The following KIAA0319 variants were observed in gnomAD, a reference collection of about 807,000 sequenced individuals.
KIAA0319 encodes KIAA0319.
In KIAA0319, 83 loss-of-function variants were observed where a neutral mutation model predicts 108.4. That is an observed-to-expected ratio of 0.77 (90% CI 0.64 to 0.92). The LOEUF is 0.92. KIAA0319 is among the 40% of genes least tolerant of loss of function. KIAA0319 has a pLI of 0.00. For missense variants in KIAA0319, 1,195 were observed against 1,322.4 expected (o/e 0.90, Z 1.49); for synonymous variants, 484 against 510.4 (o/e 0.95, Z 0.70).
rs562463231 is a variant in KIAA0319 at position 24,583,110 on chromosome 6, C to A, written c.1093+494G>T. Reference sequence around the variant, plus strand: ...CCACAGGTCCCAGGTCAAATGCTTACTGAATGGTAGAGCACTGGACAAGTA... The same window carrying A: ...CCACAGGTCCCAGGTCAAATGCTTAATGAATGGTAGAGCACTGGACAAGTA... On this transcript the variant is annotated intron_variant, in intron 5 of 20. Transcript: ENST00000378214. 1.3e-5 allele frequency: 13 copies of A among 985,476 alleles called. No homozygotes were observed. In the South Asian group the frequency reaches 3.8e-4, roughly 28 times the overall value. The allele number at this position is 985,476 out of a possible 1,614,324, so 61.0% of individuals were successfully genotyped here.
chr6:24,610,935 G>C (rs1373917174), intron 1 of KIAA0319, among the ~76,000 whole-genome samples: 1 of 152,148 alleles, frequency 6.6e-6, no homozygotes, highest in Non-Finnish European at 1.5e-5. Flanking sequence ...ATACATGCTA[G>C]AGCATGATAA....
chr6:24,566,479 C>T (rs1452265644), intron 14 of KIAA0319, 118 bp downstream of exon 14: 3 of 858,182 alleles, frequency 3.5e-6, no homozygotes, highest in Non-Finnish European at 3.3e-6. Context: ...GTTGTTTAAG[C>T]CTCCTTATAC....
chr6:24,551,762 G>A (rs1459364658), intron 19 of KIAA0319, among the ~76,000 whole-genome samples: 1 of 152,132 alleles, frequency 6.6e-6, no homozygotes, highest in African/African-American at 2.4e-5. Context: ...CCTATCTACA[G>A]GTCTCAGCTA....
Position 24,563,408 on chromosome 6 carries a change from G to C in KIAA0319, c.2542C>G (p.Leu848Val), listed in dbSNP as rs1231919851. 4.3e-6 allele frequency: 7 copies of C among 1,613,738 alleles called. No homozygotes were observed. The highest frequency in any genetic ancestry group is 1.6e-4 in the Middle Eastern group (1 of 6,084). Residue 848 changes from leucine (L) to valine (V), a missense_variant, in exon 16 of 21, where the codon CTG (leucine) becomes GTG (valine). Transcript: ENST00000378214. Reference protein sequence around the residue: ...VRQLAVLLNVLDSDIKVQKIR... With the variant: ...VRQLAVLLNVVDSDIKVQKIR... The stretch of plus-strand genomic sequence containing the variant: ...TTCTGGACCTTAATGTCCGAGTCCA[G>C]CACGTTCAGCAGCACAGCCAGCTGC...
intron 1 of KIAA0319, among the ~76,000 whole-genome samples, chr6:24,629,326 T>A (rs1775176095): frequency 6.6e-6 from 1 of 151,766 alleles, no homozygotes; most frequent in South Asian, 2.1e-4. Flanking sequence ...CCATCCTGGC[T>A]AACACGGTGA....
chr6:24,645,301 A>G (rs1473562617), intron 1 of KIAA0319, among the ~76,000 whole-genome samples: 4 of 152,224 alleles, frequency 2.6e-5, no homozygotes, highest in Non-Finnish European at 5.9e-5. Context: ...CCTTAAGATG[A>G]TAACTCTCAA....
At position 24,601,175 on chromosome 6, in the gene KIAA0319, G is replaced by A. The variant is rs1770576267; in HGVS notation, c.-72C>T. The A allele has an allele frequency of 6.3e-7, 1 of 1,580,484 alleles. No homozygotes were observed. The highest frequency in any genetic ancestry group is 8.6e-7 in the Non-Finnish European group (1 of 1,163,012). ...AGAGAGTTTGGTGCAAGCTTCCTTT[G>A]ATGTTTTTTAGGAGCCAGATTTGGC... On this transcript the variant is annotated 5_prime_UTR_variant, in exon 2 of 21. Coordinates refer to ENST00000378214, the MANE Select transcript of KIAA0319 (RefSeq NM_014809.4).
chr6:24,628,789 C>T (rs914204852), intron 1 of KIAA0319, among the ~76,000 whole-genome samples: 1 of 152,120 alleles, frequency 6.6e-6, no homozygotes, highest in Non-Finnish European at 1.5e-5. Flanking sequence ...GCAGCTGCAT[C>T]CCTCCAATCT....
intron 10 of KIAA0319, among the ~76,000 whole-genome samples, chr6:24,575,684 T>C (rs1366040055): frequency 6.6e-6 from 1 of 151,954 alleles, no homozygotes; most frequent in Non-Finnish European, 1.5e-5. Context: ...GAGAAATGTA[T>C]CTTGGACTGG....
chr6:24,604,121 GA>G (rs747508192), intron 1 of KIAA0319, among the ~76,000 whole-genome samples: 13 of 152,302 alleles, frequency 8.5e-5, no homozygotes, highest in Non-Finnish European at 1.6e-4. Context: ...AGGTAAAATG[GA>G]GAAAGAAAAC....
In KIAA0319 at chr6:24,583,706, A is replaced by C; in HGVS notation, c.995-4T>G. ...GCCGATACCGTAAGTTCTTTCACTA[A>C]AAGTTAATTAGAAATAATACGTGCA... On this transcript the variant is annotated splice_polypyrimidine_tract_variant and splice_region_variant and intron_variant, in intron 4 of 20. Transcript: ENST00000378214. 1.9e-6 allele frequency: 3 copies of C among 1,557,288 alleles called. No individual in the cohort carries two copies. The highest frequency in any genetic ancestry group is 1.8e-6 in the Non-Finnish European group (2 of 1,128,724).
At chr6:24,579,974 A>G in intron 7 of KIAA0319, 24 bp from the exon 8 acceptor site, 1 of 1,545,032 alleles carries the variant, frequency 6.5e-7, no homozygotes, top group Non-Finnish European at 8.8e-7. Flanking sequence ...AAGGACAGTG[A>G]CTGAGCCCAT....
At chr6:24,591,146 G>A (rs998783684) in intron 3 of KIAA0319, among the ~76,000 whole-genome samples, 6 of 152,080 alleles carry the variant, frequency 3.9e-5, no homozygotes, top group Non-Finnish European at 8.8e-5. Context: ...TAGATACCCT[G>A]TTCAATGGCA....
intron 15 of KIAA0319, among the ~76,000 whole-genome samples, chr6:24,563,869 G>T (rs1468928981): frequency 6.6e-6 from 1 of 152,144 alleles, no homozygotes; most frequent in African/African-American, 2.4e-5. Context: ...TTTATGCTGA[G>T]GTCGTTACAG....
intron 8 of KIAA0319, among the ~76,000 whole-genome samples, chr6:24,579,162 T>G (rs1765974135): frequency 6.6e-6 from 1 of 152,146 alleles, no homozygotes; most frequent in African/African-American, 2.4e-5. Flanking sequence ...CCTGTTACAC[T>G]GATAAGGTTG....
intron 1 of KIAA0319, among the ~76,000 whole-genome samples, chr6:24,643,379 A>G (rs540688062): frequency 7.7e-4 from 118 of 152,304 alleles, no homozygotes; most frequent in Middle Eastern, 6.8e-3. Context: ...TTGACACTAC[A>G]CAATATATCC....
chr6:24,626,950 T>C (rs1469111022), intron 1 of KIAA0319, among the ~76,000 whole-genome samples: 1 of 152,120 alleles, frequency 6.6e-6, no homozygotes, highest in Non-Finnish European at 1.5e-5. Context: ...AAATGGCAAG[T>C]TAAGACCTAG....
rs1208347135 is a variant in KIAA0319, at chr6:24,546,101, A to G, written c.*1064T>C. On this transcript the variant is annotated 3_prime_UTR_variant, in exon 21 of 21. Coordinates refer to ENST00000378214, the MANE Select transcript of KIAA0319 (RefSeq NM_014809.4). ...GTTTTAATTGTCTTTCATGTTTGAA[A>G]TAAGATTTATTCGGTAGAAAAACTT... 1 of 152,212 alleles carries G rather than the reference A, an allele frequency of 6.6e-6. No homozygotes were observed. The highest frequency in any genetic ancestry group is 1.5e-5 in the Non-Finnish European group (1 of 68,038). The allele number at this position is 152,212 out of a possible 1,614,324, so 9.4% of individuals were successfully genotyped here.
chr6:24,611,709 AACAG>A (rs778746235), intron 1 of KIAA0319, among the ~76,000 whole-genome samples: 6 of 152,206 alleles, frequency 3.9e-5, no homozygotes, highest in Admixed American at 6.5e-5. Context: ...AAAGTCTGTC[AACAG>A]ACAGAACATA....
Sources: allele counts gnomAD v4.1 joint callset (sites outside exome capture counted in the v4.1 genomes callset), GRCh38; gene constraint gnomAD v4.1.1; transcripts MANE v1.5; gene names NCBI Gene and HGNC (gene_info 2026-07-23, HGNC 2026-07-21).